Variants in SGPL1 observed in about 807,000 individuals in gnomAD.
The protein encoded by SGPL1 is SP-lyase 1.
A neutral mutation model predicts 68.9 loss-of-function variants in SGPL1; 37 were observed. The observed-to-expected ratio is 0.54, with a 90% CI of 0.41 to 0.71. The LOEUF is 0.71. Among genes scored for constraint, SGPL1 ranks in the 30% least tolerant of loss-of-function variants. SGPL1 has a pLI of 0.00. For synonymous variants in SGPL1, 236 were observed against 248.5 expected, an observed-to-expected ratio of 0.95 and a Z score of 0.47; for missense variants, 551 against 704.6, an observed-to-expected ratio of 0.78 and a Z score of 2.47.
chr10:70,830,449 A>G (rs997925056), intron 2 of SGPL1, among the ~76,000 whole-genome samples: 10 of 152,148 alleles, frequency 6.6e-5, no homozygotes, highest in African/African-American at 2.2e-4. Flanking sequence ...CTGATTAACC[A>G]TTCGTTTAAT....
Position 70,876,659 on chromosome 10 carries a change from A to G in SGPL1, c.1564A>G (p.Met522Val). Residue 522 changes from methionine to valine, a missense_variant and splice_region_variant, in exon 14 of 15, where the codon ATG (methionine) becomes GTG (valine). Met to Val is a conservative substitution (Grantham distance 21). Coordinates refer to ENST00000373202, the MANE Select transcript of SGPL1 (RefSeq NM_003901.4). ...GAATCCTAAAGCGAAGACCACAGGA[A>G]TGGTAGGGACACTTGGAGTTTTTTT... The part of the protein sequence containing the change: ...MKNPKAKTTG[M>V]GAIYGMAQTT... The G allele has an allele frequency of 6.2e-7, 1 of 1,610,720 alleles. No homozygotes were observed. Among genetic ancestry groups the G allele is most frequent in the Non-Finnish European group, 8.5e-7 (1 of 1,178,970 alleles).
At chr10:70,837,697 T>C (rs1293467414) in intron 2 of SGPL1, among the ~76,000 whole-genome samples, 1 of 152,238 alleles carries the variant, frequency 6.6e-6, no homozygotes, top group East Asian at 1.9e-4. Flanking sequence ...TCTGAGGGAC[T>C]ACCTGAATGG....
rs563875957 is a variant in SGPL1 at position 70,835,519 on chromosome 10, C to T, written c.28-8954C>T. Among the ~76,000 whole-genome samples the T allele has an allele frequency of 5.1e-4, 77 of 150,526 alleles. No individual in the cohort carries two copies. The East Asian group carries it at 0.012, about 23-fold the overall frequency. On this transcript the variant is annotated intron_variant, in intron 2 of 14. Coordinates refer to ENST00000373202, the MANE Select transcript of SGPL1 (RefSeq NM_003901.4). ...TTGGGAGGCCGAGGCGGGTGGATCA[C>T]GAGGCAGGAGATCGAGACCATCCTG...
intron 2 of SGPL1, among the ~76,000 whole-genome samples, chr10:70,834,304 G>A (rs972277232): frequency 6.6e-6 from 1 of 152,094 alleles, no homozygotes; most frequent in East Asian, 1.9e-4. Flanking sequence ...TGATATTGAT[G>A]TACCCCCACT....
chr10:70,846,981 C>T lies in SGPL1; in HGVS notation c.193+2343C>T, dbSNP rs1424587979. Among the ~76,000 whole-genome samples, 4 of 152,188 alleles carry T rather than the reference C, an allele frequency of 2.6e-5. No homozygotes were observed. The East Asian group carries it at 7.8e-4, about 30-fold the overall frequency. On this transcript the variant is annotated intron_variant, in intron 3 of 14. Transcript: ENST00000373202. Reference sequence around the variant, plus strand: ...GCTTAGCTAATAGTAGAGACACAGCCATCTTAGGTTCTGATACTTATCTGC... The same window carrying T: ...GCTTAGCTAATAGTAGAGACACAGCTATCTTAGGTTCTGATACTTATCTGC...
intron 12 of SGPL1, among the ~76,000 whole-genome samples, chr10:70,874,309 C>T (rs1846347249): frequency 6.6e-6 from 1 of 152,200 alleles, no homozygotes; most frequent in African/African-American, 2.4e-5. Context: ...TGGCCAGGCA[C>T]GGTGGCTCCG....
At chr10:70,860,710 C>T (rs1347605655) in intron 7 of SGPL1, among the ~76,000 whole-genome samples, 1 of 152,142 alleles carries the variant, frequency 6.6e-6, no homozygotes, top group Non-Finnish European at 1.5e-5. Flanking sequence ...TTTGAAGATA[C>T]ATATATCTTA....
At chr10:70,847,627 T>TA (rs1008742585) in intron 3 of SGPL1, among the ~76,000 whole-genome samples, 61 of 150,162 alleles carry the variant, frequency 4.1e-4, no homozygotes, top group East Asian at 2.1e-3. Flanking sequence ...TGTAATTTTG[T>TA]AAAAAAAAAA....
chr10:70,825,497 T>G (rs1276917115), intron 2 of SGPL1, among the ~76,000 whole-genome samples: 26 of 152,170 alleles, frequency 1.7e-4, no homozygotes, highest in Non-Finnish European at 1.8e-4. Context: ...GAACAGAATC[T>G]TGAAGGTGGA....
chr10:70,834,140 G>T (rs1185713220), intron 2 of SGPL1, among the ~76,000 whole-genome samples: 5 of 152,160 alleles, frequency 3.3e-5, no homozygotes, highest in African/African-American at 1.2e-4. Flanking sequence ...TTTAATAAAA[G>T]AAAAGGATGG....
At position 70,871,870 on chromosome 10, in the gene SGPL1, G is replaced by C; in HGVS notation, c.943G>C (p.Asp315His). 1.2e-6 allele frequency: 2 copies of C among 1,613,876 alleles called. No individual in the cohort carries two copies. Among genetic ancestry groups the C allele is most frequent in the South Asian group, 2.2e-5 (2 of 91,052 alleles). ...CAAATACAAAATACCCCTTCATGTCGACGCTTGTCTGGGAGGCTTCCTCAT... is the reference window on the plus strand; with the variant it reads ...CAAATACAAAATACCCCTTCATGTCCACGCTTGTCTGGGAGGCTTCCTCAT... ...AVKYKIPLHV[D>H]ACLGGFLIVF... Residue 315 changes from aspartate (D) to histidine (H), a missense_variant, in exon 11 of 15, where the codon GAC becomes CAC. Coordinates refer to ENST00000373202, the MANE Select transcript of SGPL1 (RefSeq NM_003901.4).
At chr10:70,848,833 T>C (rs901628205) in intron 3 of SGPL1, among the ~76,000 whole-genome samples, 2 of 152,162 alleles carry the variant, frequency 1.3e-5, no homozygotes, top group Non-Finnish European at 1.5e-5. Context: ...TGCAACACAT[T>C]TTTATTTACT....
chr10:70,875,022 T>C (rs1483111314), intron 12 of SGPL1, among the ~76,000 whole-genome samples: 1 of 152,274 alleles, frequency 6.6e-6, no homozygotes, highest in African/African-American at 2.4e-5. Flanking sequence ...GGATTACATA[T>C]GACTTTTTAG....
chr10:70,861,690 A>C (rs1846058691), intron 7 of SGPL1, among the ~76,000 whole-genome samples: 1 of 152,202 alleles, frequency 6.6e-6, no homozygotes, highest in South Asian at 2.1e-4. Context: ...CTTGCGGGCC[A>C]GCTAGAGTTC....
rs1564627507 is a variant in SGPL1 at position 70,859,372 on chromosome 10, C to T, written c.488C>T (p.Ala163Val). 7.4e-6 allele frequency: 11 copies of T among 1,493,628 alleles called. No homozygotes were observed. Among genetic ancestry groups the T allele is most frequent in the African/African-American group, 1.4e-5 (1 of 70,358 alleles). The allele number at this position is 1,493,628 out of a possible 1,614,324, so 92.5% of individuals were successfully genotyped here. ...ACATCTGCTTGCATTTTTTTGCAGG[C>T]TTATGGAGATTTTGCATGGAGTAAC... ...EEKLTELLVK[A>V]YGDFAWSNPL... The change falls in exon 7 of 15, where the codon GCT (alanine) becomes GTT (valine). Residue 163 changes from alanine to valine, a missense_variant and splice_region_variant. By Grantham distance (64) the Ala-to-Val change is moderately conservative. Coordinates refer to ENST00000373202, the MANE Select transcript of SGPL1 (RefSeq NM_003901.4).
intron 14 of SGPL1, 67 bp from the exon 15 acceptor site, chr10:70,877,128 T>G: frequency 6.5e-7 from 1 of 1,532,226 alleles, no homozygotes; most frequent in South Asian, 1.1e-5. Context: ...AGGGGCTCAT[T>G]GCTGCAGTTT....
At chr10:70,870,973 A>G (rs754235664) in intron 9 of SGPL1, 75 bp from the exon 10 acceptor site, 219 of 1,288,422 alleles carry the variant, frequency 1.7e-4, no homozygotes, top group Non-Finnish European at 2.2e-4. Context: ...TAGCAGCCCA[A>G]ATTGCTCTTG....
chr10:70,842,235 A>G (rs1589455912), intron 2 of SGPL1, among the ~76,000 whole-genome samples: 1 of 152,308 alleles, frequency 6.6e-6, no homozygotes, highest in Middle Eastern at 3.4e-3. Context: ...ATATCCTTGA[A>G]CATGTTTATT....
intron 4 of SGPL1, among the ~76,000 whole-genome samples, chr10:70,852,725 T>C (rs1027662680): frequency 8.8e-4 from 120 of 136,946 alleles, no homozygotes; most frequent in African/African-American, 2.7e-3. Context: ...TGTGTGTGTG[T>C]GTGCGCGCGC....
Sources: allele counts gnomAD v4.1 joint callset (sites outside exome capture counted in the v4.1 genomes callset), GRCh38; gene constraint gnomAD v4.1.1; transcripts MANE v1.5; gene names NCBI Gene and HGNC (gene_info 2026-07-23, HGNC 2026-07-21).